Variants in FOXN3 observed in about 807,000 individuals in gnomAD.
FOXN3 encodes forkhead box N3.
Under a neutral mutation model 38.4 loss-of-function variants are expected in FOXN3, and 7 were observed. The observed-to-expected ratio is 0.18, with a 90% CI of 0.10 to 0.34. The LOEUF is 0.34. Among genes scored for constraint, FOXN3 ranks in the 10% least tolerant of loss-of-function variants. FOXN3 has a pLI of 1.00. For synonymous variants in FOXN3, 230 were observed against 242.2 expected, an observed-to-expected ratio of 0.95 and a Z score of 0.47; for missense variants, 456 against 613.4, an observed-to-expected ratio of 0.74 and a Z score of 2.71.
chr14:89,181,778 A>G (rs1251993015), intron 4 of FOXN3, among the ~76,000 whole-genome samples: 1 of 152,226 alleles, frequency 6.6e-6, no homozygotes, highest in African/African-American at 2.4e-5. Context: ...CAGCAATTTC[A>G]TCTGGTCCAA....
intron 4 of FOXN3, chr14:89,185,876 A>G (rs997399208): frequency 8.5e-5 from 13 of 152,274 alleles, no homozygotes; most frequent in African/African-American, 3.1e-4. Flanking sequence ...AGCACTGCTC[A>G]TTGTAGATGC....
At chr14:89,293,807 C>T (rs1886952133) in intron 3 of FOXN3, among the ~76,000 whole-genome samples, 1 of 152,114 alleles carries the variant, frequency 6.6e-6, no homozygotes, top group Non-Finnish European at 1.5e-5. Flanking sequence ...ATTTCCCTTC[C>T]ACATGCAGTC....
intron 2 of FOXN3, among the ~76,000 whole-genome samples, chr14:89,379,381 G>A (rs1023135651): frequency 9.2e-5 from 14 of 152,106 alleles, no homozygotes; most frequent in African/African-American, 2.2e-4. Flanking sequence ...ATTTGCGGCC[G>A]GGTAATTCTT....
intron 1 of FOXN3, among the ~76,000 whole-genome samples, chr14:89,616,370 C>T (rs752891224): frequency 2.6e-5 from 4 of 152,172 alleles, no homozygotes; most frequent in African/African-American, 7.2e-5. Context: ...GGAAACTTTT[C>T]TATTTAAGTC....
intron 1 of FOXN3, among the ~76,000 whole-genome samples, chr14:89,583,137 T>C (rs1210600375): frequency 6.6e-6 from 1 of 152,246 alleles, no homozygotes; most frequent in Non-Finnish European, 1.5e-5. Flanking sequence ...CTTAGACTCA[T>C]TGACTGTAAT....
chr14:89,407,795 C>T (rs979622168), intron 2 of FOXN3, among the ~76,000 whole-genome samples: 1 of 152,096 alleles, frequency 6.6e-6, no homozygotes, highest in African/African-American at 2.4e-5. Flanking sequence ...TATGCCACTG[C>T]GCTCCAGCCT....
At chr14:89,329,804 C>G (rs939465794) in intron 3 of FOXN3, among the ~76,000 whole-genome samples, 1 of 137,702 alleles carries the variant, frequency 7.3e-6, no homozygotes, top group Non-Finnish European at 1.5e-5. Context: ...TGCAGTGAGC[C>G]GAGATCGTGC....
chr14:89,318,162 C>CTCTT (rs538416217), intron 3 of FOXN3, among the ~76,000 whole-genome samples: 30 of 127,488 alleles, frequency 2.4e-4, no homozygotes, highest in Non-Finnish European at 4.1e-4. Context: ...TTCTTCTTCT[C>CTCTT]TTTTTTTTTT....
At chr14:89,398,352 T>C (rs947489096) in intron 2 of FOXN3, among the ~76,000 whole-genome samples, 3 of 152,232 alleles carry the variant, frequency 2.0e-5, no homozygotes, top group East Asian at 1.9e-4. Flanking sequence ...ACAACTTGTA[T>C]TGGACAGCTG....
chr14:89,575,402 T>C (rs773869348), intron 1 of FOXN3, among the ~76,000 whole-genome samples: 20 of 151,878 alleles, frequency 1.3e-4, no homozygotes, highest in African/African-American at 4.1e-4. Flanking sequence ...GTGGGGATGA[T>C]AGGGAGAAGG....
intron 5 of FOXN3, among the ~76,000 whole-genome samples, chr14:89,165,018 T>C (rs896113539): frequency 1.1e-4 from 17 of 152,128 alleles, no homozygotes; most frequent in African/African-American, 3.4e-4. Flanking sequence ...ACCAGCAAAA[T>C]GTATGAGGGT....
At chr14:89,612,504 C>G (rs2139957098) in intron 1 of FOXN3, among the ~76,000 whole-genome samples, 1 of 152,192 alleles carries the variant, frequency 6.6e-6, no homozygotes, top group East Asian at 1.9e-4. Context: ...GCAACAAGAG[C>G]TCTTAAACTG....
intron 1 of FOXN3, among the ~76,000 whole-genome samples, chr14:89,616,478 C>G (rs1055367838): frequency 2.0e-5 from 3 of 152,106 alleles, no homozygotes; most frequent in African/African-American, 7.2e-5. Flanking sequence ...TCTTATATTT[C>G]CCAAAGTACC....
rs117979297 is a variant in FOXN3 at position 89,569,909 on chromosome 14, T to C, written c.-15+49119A>G. 4.9e-3 allele frequency among the ~76,000 whole-genome samples: 738 copies of C among 152,140 alleles called. 1 individual carries two copies. Among genetic ancestry groups the C allele is most frequent in the Non-Finnish European group, 7.2e-3 (490 of 68,010 alleles). ...GCCTAAAAGGAAACTCAATTTAACTTTCTCAAGAGCTGAGTCCAGTGCAGA... is the reference window on the plus strand; with the variant it reads ...GCCTAAAAGGAAACTCAATTTAACTCTCTCAAGAGCTGAGTCCAGTGCAGA... On this transcript the variant is annotated intron_variant, in intron 1 of 6. Coordinates refer to the FOXN3 transcript ENST00000345097.
At chr14:89,356,810 T>C (rs2140019091) in intron 2 of FOXN3, among the ~76,000 whole-genome samples, 1 of 152,246 alleles carries the variant, frequency 6.6e-6, no homozygotes, top group Non-Finnish European at 1.5e-5. Context: ...GCTTGGATTA[T>C]AGATGGGAAA....
chr14:89,614,852 C>T (rs1183375823), intron 1 of FOXN3, among the ~76,000 whole-genome samples: 1 of 152,216 alleles, frequency 6.6e-6, no homozygotes, highest in Non-Finnish European at 1.5e-5. Context: ...AGAAATGGTT[C>T]CGTCTCCCTC....
At chr14:89,325,242 C>CATCACT (rs1888021858) in intron 3 of FOXN3, among the ~76,000 whole-genome samples, 1 of 138,054 alleles carries the variant, frequency 7.2e-6, no homozygotes, top group Non-Finnish European at 1.5e-5. Context: ...TCACTACCAC[C>CATCACT]ACCACGACCA....
rs767156772 is a variant in FOXN3, at chr14:89,412,694, G to A, written c.-14-204C>T. The stretch of plus-strand genomic sequence containing the variant: ...ATAGGCTGATGAGAAAAATCAGCCC[G>A]CCATTCATATAGCAAGGTGACCTGA... On this transcript the variant is annotated intron_variant, in intron 1 of 5. Coordinates refer to ENST00000557258, the MANE Select transcript of FOXN3 (RefSeq NM_005197.4). This position sits in a 1 kb window ranked among gnomAD's most constrained non-coding sequence, Gnocchi z 4.7. Among the ~76,000 whole-genome samples, 1 of 151,868 alleles carries A rather than the reference G, an allele frequency of 6.6e-6. No homozygotes were observed. The highest frequency in any genetic ancestry group is 1.5e-5 in the Non-Finnish European group (1 of 67,974).
intron 3 of FOXN3, among the ~76,000 whole-genome samples, chr14:89,301,529 G>C (rs937535099): frequency 6.6e-6 from 1 of 151,916 alleles, no homozygotes; most frequent in Non-Finnish European, 1.5e-5. Context: ...CAGCACTTTG[G>C]GAGGCCGAGG....
Sources: allele counts gnomAD v4.1 joint callset (sites outside exome capture counted in the v4.1 genomes callset), GRCh38; gene constraint gnomAD v4.1.1; non-coding constraint Gnocchi (gnomAD v3.1); transcripts MANE v1.5; gene names NCBI Gene and HGNC (gene_info 2026-07-23, HGNC 2026-07-21).